DNAH6: variants seen among roughly 807,000 people sequenced by gnomAD.
The protein encoded by DNAH6 is axonemal beta dynein heavy chain 6.
DNAH6 carries 340 observed loss-of-function variants against 491.4 expected under a neutral mutation model. The observed-to-expected ratio is 0.69, with a 90% CI of 0.63 to 0.76. The LOEUF (loss-of-function observed/expected upper bound fraction) is 0.76, where lower values mean the gene tolerates loss of function less well. Among genes scored for constraint, DNAH6 ranks in the 30% least tolerant of loss-of-function variants. The pLI, the probability that DNAH6 is intolerant of heterozygous loss-of-function variation, is 0.00. For missense variants in DNAH6, 4,443 were observed against 4,972.2 expected (o/e 0.89, Z 3.20); for synonymous variants, 1,603 against 1,686.1 (o/e 0.95, Z 1.21).
At chr2:84,751,739 C>G (rs1417163592) in intron 63 of DNAH6, among the ~76,000 whole-genome samples, 1 of 152,212 alleles carries the variant, frequency 6.6e-6, no homozygotes, top group African/African-American at 2.4e-5. Flanking sequence ...GTTCTCTACA[C>G]CAGTGTTCTC....
At chr2:84,636,800 G>A (rs1373108558) in intron 30 of DNAH6, among the ~76,000 whole-genome samples, 1 of 152,018 alleles carries the variant, frequency 6.6e-6, no homozygotes, top group South Asian at 2.1e-4. Flanking sequence ...GGTGTGAGGT[G>A]GAAGGATTGC....
At chr2:84,486,036 G>A in the DNAH6 span, among the ~76,000 whole-genome samples, 2 of 152,130 alleles carry the variant, frequency 1.3e-5, no homozygotes, top group Non-Finnish European at 1.5e-5. Context: ...GCGATACTAA[G>A]TTGTTAAAAA....
chr2:84,656,487 T>C (rs754342589), intron 35 of DNAH6, among the ~76,000 whole-genome samples: 6 of 152,112 alleles, frequency 3.9e-5, no homozygotes, highest in Non-Finnish European at 7.4e-5. Context: ...TGCATTCTAA[T>C]GGGCACGTAG....
Position 84,550,223 on chromosome 2 carries a change from T to C in DNAH6, c.1485+166T>C, listed in dbSNP as rs112814535. ...CACCAGAGACCAGTTTCATGGAAGA[T>C]AATTTTTTCTGCAGACTGTGGGGGA... is the stretch of plus-strand genomic sequence containing the variant. On this transcript the variant is annotated intron_variant, in intron 9 of 76. Transcript: ENST00000389394. 0.029 allele frequency among the ~76,000 whole-genome samples: 4,399 copies of C among 152,172 alleles called. 228 individuals carry two copies. The highest frequency in any genetic ancestry group is 0.1 in the African/African-American group (4,130 of 41,494).
chr2:84,495,599 G>T, the DNAH6 span, among the ~76,000 whole-genome samples: 1 of 152,152 alleles, frequency 6.6e-6, no homozygotes, highest in Non-Finnish European at 1.5e-5. Flanking sequence ...ATATTTTGAA[G>T]GAAAACTTTA....
At chr2:84,479,737 A>C in the DNAH6 span, among the ~76,000 whole-genome samples, 1 of 152,242 alleles carries the variant, frequency 6.6e-6, no homozygotes, top group African/African-American at 2.4e-5. Context: ...AGAAGAAAGA[A>C]GAGAGTTCTT....
At chr2:84,742,983 T>C (rs1373937860) in intron 62 of DNAH6, among the ~76,000 whole-genome samples, 1 of 152,198 alleles carries the variant, frequency 6.6e-6, no homozygotes, top group Non-Finnish European at 1.5e-5. Context: ...GAAAAGTGCA[T>C]TCCCCCCTAG....
chr2:84,767,218 CA>C (rs1473287397), intron 64 of DNAH6, among the ~76,000 whole-genome samples: 1 of 152,048 alleles, frequency 6.6e-6, no homozygotes, highest in African/African-American at 2.4e-5. Flanking sequence ...TAAATTACTT[CA>C]AATAAAATTC....
chr2:84,555,721 C>T (rs567636144), intron 10 of DNAH6, among the ~76,000 whole-genome samples: 2 of 152,194 alleles, frequency 1.3e-5, no homozygotes, highest in Admixed American at 6.5e-5. Context: ...AAAACTTGCT[C>T]CTCCCTCCCT....
At chr2:84,732,349 G>C (rs1699194147) in intron 61 of DNAH6, among the ~76,000 whole-genome samples, 1 of 152,114 alleles carries the variant, frequency 6.6e-6, no homozygotes. Flanking sequence ...ATTCATAACA[G>C]CATTGTTTAT....
intron 9 of DNAH6, among the ~76,000 whole-genome samples, chr2:84,550,500 A>T (rs1679231207): frequency 6.6e-6 from 1 of 152,200 alleles, no homozygotes; most frequent in African/African-American, 2.4e-5. Flanking sequence ...CCTGGCATAG[A>T]GTATTTCATG....
At chr2:84,731,648 A>G (rs1699127747) in intron 61 of DNAH6, among the ~76,000 whole-genome samples, 1 of 152,220 alleles carries the variant, frequency 6.6e-6, no homozygotes, top group Non-Finnish European at 1.5e-5. Flanking sequence ...TTCATTTCCA[A>G]CACAGTATGG....
At chr2:84,481,183 A>G in the DNAH6 span, among the ~76,000 whole-genome samples, 1 of 152,134 alleles carries the variant, frequency 6.6e-6, no homozygotes, top group African/African-American at 2.4e-5. Flanking sequence ...AGATAGCTCC[A>G]TATCCTTGAA....
At chr2:84,758,247 C>T (rs1674235179) in intron 63 of DNAH6, among the ~76,000 whole-genome samples, 1 of 152,112 alleles carries the variant, frequency 6.6e-6, no homozygotes, top group Admixed American at 6.6e-5. Flanking sequence ...TAAATAGCAA[C>T]CCCAAGAAAT....
intron 4 of DNAH6, among the ~76,000 whole-genome samples, chr2:84,543,107 C>G (rs1678428166): frequency 6.6e-6 from 1 of 152,116 alleles, no homozygotes; most frequent in Non-Finnish European, 1.5e-5. Context: ...TGCAGTGAGC[C>G]AAGTTTGCAC....
the DNAH6 span, among the ~76,000 whole-genome samples, chr2:84,493,115 G>A: frequency 1.3e-5 from 2 of 151,938 alleles, no homozygotes; most frequent in African/African-American, 4.8e-5. Context: ...TTTTAAAGGG[G>A]CATGGCTATG....
chr2:84,651,863 C>T (rs1415331856), intron 33 of DNAH6, among the ~76,000 whole-genome samples: 2 of 151,756 alleles, frequency 1.3e-5, no homozygotes, highest in East Asian at 1.9e-4. Context: ...CATGTATTAC[C>T]TTTAATACAT....
chr2:84,692,514 G>GA (rs1212947879), intron 45 of DNAH6, among the ~76,000 whole-genome samples: 1 of 151,856 alleles, frequency 6.6e-6, no homozygotes, highest in Non-Finnish European at 1.5e-5. Flanking sequence ...GGAGGAAGAG[G>GA]AAAAATAATT....
the DNAH6 span, among the ~76,000 whole-genome samples, chr2:84,489,658 TA>T: frequency 6.6e-6 from 1 of 152,148 alleles, no homozygotes; most frequent in African/African-American, 2.4e-5. Flanking sequence ...TCCTTATTCT[TA>T]AGGCTGATTA....
Sources: gnomAD v4.1 joint callset for allele counts (sites outside exome capture counted in the v4.1 genomes callset) on GRCh38, gnomAD v4.1.1 for gene constraint, MANE v1.5 for transcripts, NCBI Gene and HGNC (gene_info 2026-07-23, HGNC 2026-07-21) for gene names.